MARCHF3: variants seen among roughly 807,000 people sequenced by gnomAD.
MARCHF3 encodes the protein membrane associated ring-CH-type finger 3.
MARCHF3 carries 13 observed loss-of-function variants against 24.2 expected under a neutral mutation model. The ratio of observed to expected loss-of-function variants is 0.54; its 90% CI spans 0.35 to 0.85. The LOEUF (loss-of-function observed/expected upper bound fraction) is 0.85, where lower values mean the gene tolerates loss of function less well. Ranked by LOEUF, MARCHF3 falls within the 40% of genes least tolerant of loss-of-function variation. The pLI is 0.01. For synonymous variants in MARCHF3, 144 were observed against 137.3 expected, an observed-to-expected ratio of 1.05 and a Z score of -0.34; for missense variants, 276 against 325.0, an observed-to-expected ratio of 0.85 and a Z score of 1.16.
At chr5:126,871,846 A>C (rs1165594804) in intron 4 of MARCHF3, among the ~76,000 whole-genome samples, 1 of 151,594 alleles carries the variant, frequency 6.6e-6, no homozygotes, top group Non-Finnish European at 1.5e-5. Context: ...AGCCGGGATT[A>C]CAGGCATACG....
rs1754673635 is a variant in MARCHF3, at chr5:126,915,014, G to A, written c.309C>T (p.His103=). The part of the protein sequence containing the change: ...LGTIHRSCLE[H]WLSSSNTSYC... ...AGCTGGTGTTTGAGGATGACAGCCAGTGCTCCAGGCAGCTCCGATGAATTG... is the reference window on the plus strand; with the variant it reads ...AGCTGGTGTTTGAGGATGACAGCCAATGCTCCAGGCAGCTCCGATGAATTG... The change falls in exon 3 of 5, where the codon CAC becomes CAT. Residue 103 remains histidine (H), a synonymous_variant. Transcript: ENST00000308660. The A allele has an allele frequency of 6.2e-7, 1 of 1,614,194 alleles. No individual in the cohort carries two copies. The highest frequency in any genetic ancestry group is 8.5e-7 in the Non-Finnish European group (1 of 1,180,032).
intron 1 of MARCHF3, among the ~76,000 whole-genome samples, chr5:126,984,837 G>A (rs1364563205): frequency 6.6e-6 from 1 of 152,198 alleles, no homozygotes; most frequent in African/African-American, 2.4e-5. Flanking sequence ...AAACTAAGTG[G>A]AATAATATGA....
intron 1 of MARCHF3, among the ~76,000 whole-genome samples, chr5:126,990,263 CT>C (rs1190408549): frequency 6.6e-6 from 1 of 152,056 alleles, no homozygotes; most frequent in Non-Finnish European, 1.5e-5. Context: ...ACCATTTGAT[CT>C]TTGACAAACC....
chr5:126,961,392 G>A (rs1417735611), intron 1 of MARCHF3, among the ~76,000 whole-genome samples: 1 of 152,156 alleles, frequency 6.6e-6, no homozygotes, highest in African/African-American at 2.4e-5. Context: ...TCCCCAATCA[G>A]AGATGTCCAA....
chr5:126,893,108 T>C lies in MARCHF3; in HGVS notation c.394-14714A>G, dbSNP rs1259434435. Among the ~76,000 whole-genome samples, 7 of 152,130 alleles carry C rather than the reference T, an allele frequency of 4.6e-5. No individual in the cohort carries two copies. In the East Asian group the frequency reaches 1.2e-3, roughly 25 times the overall value. ...GTTTGTAGTATTCTCTGATGGTAGT[T>C]TGTATTTCTGTGGGATCGGTGGTGA... is the stretch of plus-strand genomic sequence containing the variant. On this transcript the variant is annotated intron_variant, in intron 3 of 4. Coordinates refer to ENST00000308660, the MANE Select transcript of MARCHF3 (RefSeq NM_178450.5).
At chr5:126,997,434 A>G (rs1001701046) in intron 1 of MARCHF3, among the ~76,000 whole-genome samples, 4 of 152,224 alleles carry the variant, frequency 2.6e-5, no homozygotes, top group Non-Finnish European at 5.9e-5. Flanking sequence ...TTCAACGGAC[A>G]TGGAAGGGAA....
intron 1 of MARCHF3, among the ~76,000 whole-genome samples, chr5:126,953,465 TC>T (rs1214900304): frequency 1.3e-5 from 2 of 152,178 alleles, no homozygotes; most frequent in East Asian, 3.8e-4. Flanking sequence ...AAAATCACAA[TC>T]TTTGATTCCA....
chr5:126,872,787 G>A (rs758288141), intron 4 of MARCHF3, among the ~76,000 whole-genome samples: 5 of 152,062 alleles, frequency 3.3e-5, no homozygotes, highest in Admixed American at 6.5e-5. Flanking sequence ...GAAAATATAC[G>A]CTTTTAAACT....
chr5:126,899,437 TA>T (rs765811718), intron 3 of MARCHF3, among the ~76,000 whole-genome samples: 17 of 152,142 alleles, frequency 1.1e-4, no homozygotes, highest in South Asian at 2.1e-4. Context: ...GAGGACTGAT[TA>T]ACCTTCACAA....
At chr5:127,005,914 GA>G (rs1752297380) in intron 1 of MARCHF3, among the ~76,000 whole-genome samples, 1 of 151,918 alleles carries the variant, frequency 6.6e-6, no homozygotes, top group Non-Finnish European at 1.5e-5. Context: ...TACTTTAAAA[GA>G]TTTTTGGCCA....
At chr5:126,962,899 A>G (rs1750689058) in intron 1 of MARCHF3, among the ~76,000 whole-genome samples, 1 of 151,792 alleles carries the variant, frequency 6.6e-6, no homozygotes, top group South Asian at 2.1e-4. Flanking sequence ...TAATAAAACA[A>G]ATATGCACTT....
chr5:126,983,180 G>C (rs1434085071), intron 1 of MARCHF3, among the ~76,000 whole-genome samples: 3 of 152,206 alleles, frequency 2.0e-5, no homozygotes, highest in African/African-American at 7.2e-5. Flanking sequence ...CACTGCTCCA[G>C]CAGTCCCCAC....
At chr5:126,914,777 C>CACACACACAA (rs1439410979) in intron 3 of MARCHF3, 153 bp downstream of exon 3, 3 of 639,110 alleles carry the variant, frequency 4.7e-6, no homozygotes, top group Admixed American at 2.3e-5. Context: ...AACACACACA[C>CACACACACAA]ACACACACAC....
intron 1 of MARCHF3, among the ~76,000 whole-genome samples, chr5:126,960,852 C>A (rs1309874937): frequency 6.6e-6 from 1 of 152,084 alleles, no homozygotes; most frequent in Non-Finnish European, 1.5e-5. Flanking sequence ...TTTCACCTGA[C>A]TCCTTAACCC....
chr5:126,901,246 A>T (rs943624111), intron 3 of MARCHF3, among the ~76,000 whole-genome samples: 1 of 152,164 alleles, frequency 6.6e-6, no homozygotes, highest in African/African-American at 2.4e-5. Context: ...TTAACTCTGT[A>T]AAACTAGATT....
In MARCHF3 at chr5:126,934,058, G is replaced by A. The variant is rs190855509; in HGVS notation, c.-56-15831C>T. On this transcript the variant is annotated intron_variant, in intron 1 of 4. Coordinates refer to ENST00000308660, the MANE Select transcript of MARCHF3 (RefSeq NM_178450.5). ...TTTTTTAAACTACAAAAACATACGC[G>A]ATTTCTTTACATGAGCAATCTTCTT... 1.8e-4 allele frequency among the ~76,000 whole-genome samples: 28 copies of A among 152,138 alleles called. No homozygotes were observed. The East Asian group carries it at 4.4e-3, about 24-fold the overall frequency.
Position 126,902,692 on chromosome 5 carries a change from G to A in MARCHF3, c.393+12238C>T, listed in dbSNP as rs77129731. On this transcript the variant is annotated intron_variant, in intron 3 of 4. Coordinates refer to ENST00000308660, the MANE Select transcript of MARCHF3 (RefSeq NM_178450.5). ...GAAGTGATTTTTAATGAAGCAAGCT[G>A]TGAATTTAATAGATACCTTCAAACA... Among the ~76,000 whole-genome samples, 197 of 152,238 alleles carry A rather than the reference G, an allele frequency of 1.3e-3. 3 individuals are homozygous for A. The East Asian group carries it at 0.036, about 28-fold the overall frequency.
intron 3 of MARCHF3, among the ~76,000 whole-genome samples, chr5:126,911,356 C>T (rs1754525344): frequency 6.6e-6 from 1 of 152,134 alleles, no homozygotes; most frequent in Non-Finnish European, 1.5e-5. Context: ...AACCTGCCGA[C>T]ATGTGATGTC....
At chr5:127,019,155 C>T (rs1752720219) in intron 1 of MARCHF3, among the ~76,000 whole-genome samples, 1 of 152,150 alleles carries the variant, frequency 6.6e-6, no homozygotes, top group African/African-American at 2.4e-5. Context: ...TGTGGTTCTA[C>T]TCAGAATAAT....
Sources: gnomAD v4.1 joint callset for allele counts (sites outside exome capture counted in the v4.1 genomes callset) on GRCh38, gnomAD v4.1.1 for gene constraint, MANE v1.5 for transcripts, NCBI Gene and HGNC (gene_info 2026-07-23, HGNC 2026-07-21) for gene names.